The following TRIM31 variants were observed in gnomAD, a reference collection of about 807,000 sequenced individuals.
TRIM31 encodes the protein E3 ubiquitin-protein ligase TRIM31.
In TRIM31, 31 loss-of-function variants were observed where a neutral mutation model predicts 40.6. The observed-to-expected ratio is 0.76, with a 90% CI of 0.57 to 1.03. TRIM31 has a LOEUF of 1.03. TRIM31 is among the 50% of genes least tolerant of loss of function. The pLI is 0.00. For missense variants in TRIM31, 455 were observed against 497.5 expected, an observed-to-expected ratio of 0.91 and a Z score of 0.81; for synonymous variants, 164 against 193.9, an observed-to-expected ratio of 0.85 and a Z score of 1.28.
intron 3 of TRIM31, 149 bp downstream of exon 3, chr6:30,111,499 A>G (rs867825113): frequency 4.7e-5 from 34 of 725,604 alleles, no homozygotes; most frequent in Middle Eastern, 6.7e-4. Flanking sequence ...GCGGGAGGTG[A>G]TGCCGCCTGG....
chr6:30,106,182 T>A (rs912504832), intron 6 of TRIM31, among the ~76,000 whole-genome samples: 4 of 152,060 alleles, frequency 2.6e-5, no homozygotes, highest in African/African-American at 9.7e-5. Context: ...CCAGCACCCT[T>A]CCCCCAGTGT....
At position 30,111,030 on chromosome 6, in the gene TRIM31, C is replaced by CTTTTTTTTTTTTTTTTTTTTT. The variant is rs9278578; in HGVS notation, c.514-353_514-352insAAAAAAAAAAAAAAAAAAAAA. ...CACAATGTCTTCATTTTCCTTCTGTCTTTTTTTTTTTTTTTTTTTGAGACA... is the reference window on the plus strand; with the variant it reads ...CACAATGTCTTCATTTTCCTTCTGTCTTTTTTTTTTTTTTTTTTTTTTTTTTTTTTTTTTTTTTTTGAGACA... On this transcript the variant is annotated intron_variant, in intron 3 of 8. Transcript: ENST00000376734. 2.7e-4 allele frequency among the ~76,000 whole-genome samples: 31 copies of CTTTTTTTTTTTTTTTTTTTTT among 114,284 alleles called. 2 individuals carry two copies. The highest frequency in any genetic ancestry group is 2.5e-3 in the South Asian group (8 of 3,220). The allele number at this position is 114,284 out of a possible 152,430, so 75.0% of individuals were successfully genotyped here.
chr6:30,110,777 C>T, intron 3 of TRIM31, 99 bp from the exon 4 acceptor site: 2 of 1,189,042 alleles, frequency 1.7e-6, no homozygotes, highest in Non-Finnish European at 1.2e-6. Flanking sequence ...GTGTGGAATT[C>T]CCAACCAGAG....
Position 30,111,030 on chromosome 6 carries a change from C to CTTTTTTTTTTTTTTTTT in TRIM31, c.514-369_514-353dup, listed in dbSNP as rs9278578. Among the ~76,000 whole-genome samples, 57 of 114,286 alleles carry CTTTTTTTTTTTTTTTTT rather than the reference C, an allele frequency of 5.0e-4. 4 individuals are homozygous for CTTTTTTTTTTTTTTTTT. Among genetic ancestry groups the CTTTTTTTTTTTTTTTTT allele is most frequent in the South Asian group, 4.7e-3 (15 of 3,222 alleles). 75.0% of individuals were successfully genotyped at this position (114,286 alleles called of 152,430 possible). On this transcript the variant is annotated intron_variant, in intron 3 of 8. Transcript: ENST00000376734. Reference sequence around the variant, plus strand: ...CACAATGTCTTCATTTTCCTTCTGTCTTTTTTTTTTTTTTTTTTTGAGACA... The same window carrying CTTTTTTTTTTTTTTTTT: ...CACAATGTCTTCATTTTCCTTCTGTCTTTTTTTTTTTTTTTTTTTTTTTTTTTTTTTTTTTTGAGACA...
In TRIM31 at chr6:30,103,711, C is replaced by G; in HGVS notation, c.1103G>C (p.Gly368Ala). 1 of 1,613,008 alleles carries G rather than the reference C, an allele frequency of 6.2e-7. No individual in the cohort carries two copies. The highest frequency in any genetic ancestry group is 1.1e-5 in the South Asian group (1 of 91,076). ...GAGACATACTGGAAAAGTGACTTTC[C>G]CAGCAGACGAGGCCCGAAACAGGGA... ...SHSLFRASSA[G>A]KVTFPVCLLA... The change falls in exon 9 of 9, where the codon GGG becomes GCG. Residue 368 changes from glycine (G) to alanine (A), a missense_variant. Transcript: ENST00000376734.
chr6:30,103,399 G>C lies in TRIM31; in HGVS notation c.*137C>G. On this transcript the variant is annotated 3_prime_UTR_variant, in exon 9 of 9. Transcript: ENST00000376734. The stretch of plus-strand genomic sequence containing the variant: ...CCCCCATCTCCACTCTCAGTAGCCC[G>C]AGCCCTCCCATTCTCCACTCCTTCG... 2.9e-5 allele frequency: 24 copies of C among 814,884 alleles called. No individual in the cohort carries two copies. Among genetic ancestry groups the C allele is most frequent in the South Asian group, 4.7e-5 (3 of 63,256 alleles). The allele number at this position is 814,884 out of a possible 1,614,324, so 50.5% of individuals were successfully genotyped here.
At chr6:30,111,030 CTT>C (rs9278578) in intron 3 of TRIM31, among the ~76,000 whole-genome samples, 29,794 of 114,180 alleles carry the variant, frequency 0.26, 3,312 homozygotes, top group East Asian at 0.45. Context: ...TTCCTTCTGT[CTT>C]TTTTTTTTTT....
chr6:30,105,603 T>C (rs1204901113), intron 6 of TRIM31: 2 of 160,114 alleles, frequency 1.2e-5, no homozygotes, highest in African/African-American at 4.8e-5. Context: ...CAAAATGTTA[T>C]TTCAACATGT....
chr6:30,106,587 A>C (rs1275566840), intron 6 of TRIM31, among the ~76,000 whole-genome samples: 1 of 144,124 alleles, frequency 6.9e-6, no homozygotes, highest in Non-Finnish European at 1.5e-5. Context: ...AAAATAAAAT[A>C]AAAATAAGAG....
Position 30,112,546 on chromosome 6 carries a change from T to C in TRIM31, c.260A>G (p.Gln87Arg), listed in dbSNP as rs928628355. 24 of 1,613,020 alleles carry C rather than the reference T, an allele frequency of 1.5e-5. No individual in the cohort carries two copies. Among genetic ancestry groups the C allele is most frequent in the Non-Finnish European group, 1.9e-5 (23 of 1,180,058 alleles). ...GCATGTAGCCTCTTTCCTTTTGGAC[T>C]GCACCTCAGAGGCTTGTAGAGCTTG... ...KIQALQASEV[Q>R]SKRKEATCPR... The change falls in exon 2 of 9, where the codon CAG (glutamine) becomes CGG (arginine). Residue 87 changes from glutamine (Q) to arginine (R), a missense_variant. Gln to Arg is a conservative substitution (Grantham distance 43). Coordinates refer to ENST00000376734, the MANE Select transcript of TRIM31 (RefSeq NM_007028.5).
At position 30,103,708 on chromosome 6, in the gene TRIM31, T is replaced by A; in HGVS notation, c.1106A>T (p.Lys369Ile). 1 of 1,613,030 alleles carries A rather than the reference T, an allele frequency of 6.2e-7. No individual in the cohort carries two copies. The highest frequency in any genetic ancestry group is 8.5e-7 in the Non-Finnish European group (1 of 1,180,014). Residue 369 changes from lysine (K) to isoleucine (I), a missense_variant, in exon 9 of 9, where the codon AAA becomes ATA. Physicochemically the swap from Lys to Ile is moderately radical, Grantham distance 102 (BLOSUM62 -3). Coordinates refer to ENST00000376734, the MANE Select transcript of TRIM31 (RefSeq NM_007028.5). ...CAGGAGACATACTGGAAAAGTGACT[T>A]TCCCAGCAGACGAGGCCCGAAACAG... The part of the protein sequence containing the change: ...HSLFRASSAG[K>I]VTFPVCLLAS...
At position 30,110,441 on chromosome 6, in the gene TRIM31, G is replaced by T. The variant is rs113204185; in HGVS notation, c.744+7C>A. 3.2e-5 allele frequency: 52 copies of T among 1,613,632 alleles called. No individual in the cohort carries two copies. Among genetic ancestry groups the T allele is most frequent in the Middle Eastern group, 3.3e-4 (2 of 6,006 alleles). Reference sequence around the variant, plus strand: ...CCTCTCTGCAATTCTGCCCCCAAGGGACTCACCTCCAGCAGCTGCCTGGGT... The same window carrying T: ...CCTCTCTGCAATTCTGCCCCCAAGGTACTCACCTCCAGCAGCTGCCTGGGT... On this transcript the variant is annotated splice_region_variant and intron_variant, in intron 4 of 8. Transcript: ENST00000376734.
Position 30,103,602 on chromosome 6 carries a change from G to A in TRIM31, c.1212C>T (p.Leu404=). The change falls in exon 9 of 9, where the codon CTC becomes CTT. Residue 404 remains leucine (L), a synonymous_variant. Coordinates refer to ENST00000376734, the MANE Select transcript of TRIM31 (RefSeq NM_007028.5). ...TCAGCCACTCACTCAGTGCCGCATG[G>A]AGCTCCTCGGACAGCGCAACGTCAA... is the stretch of plus-strand genomic sequence containing the variant. ...KTFDVALSEE[L]HAALSEWLTA... The A allele has an allele frequency of 6.2e-7, 1 of 1,613,058 alleles. No individual in the cohort carries two copies. The highest frequency in any genetic ancestry group is 8.5e-7 in the Non-Finnish European group (1 of 1,180,044).
intron 5 of TRIM31, chr6:30,108,743 G>A (rs555103162): frequency 8.9e-6 from 5 of 563,764 alleles, no homozygotes; most frequent in Non-Finnish European, 1.6e-5. Context: ...ACAGAGTAGG[G>A]GACCCAGGAG....
intron 5 of TRIM31, 86 bp downstream of exon 5, chr6:30,108,940 G>GGAAT (rs1769018849): frequency 2.1e-6 from 3 of 1,419,770 alleles, no homozygotes; most frequent in Admixed American, 1.7e-5. Flanking sequence ...TTCTGAGAGA[G>GGAAT]GAATGTTGAC....
intron 5 of TRIM31, among the ~76,000 whole-genome samples, chr6:30,108,559 CAAAAAAAAA>C (rs28381623): frequency 9.3e-5 from 9 of 96,592 alleles, no homozygotes; most frequent in Admixed American, 3.6e-4. Flanking sequence ...AGCTCCATCT[CAAAAAAAAA>C]AAAAAAAAAA....
chr6:30,104,417 A>G (rs529083225), intron 7 of TRIM31, among the ~76,000 whole-genome samples: 2 of 152,306 alleles, frequency 1.3e-5, no homozygotes, highest in South Asian at 4.2e-4. Context: ...AAAGTCATGG[A>G]GCATAACAAA....
intron 7 of TRIM31, 77 bp from the exon 8 acceptor site, chr6:30,104,244 G>T: frequency 1.4e-6 from 2 of 1,414,968 alleles, no homozygotes; most frequent in Non-Finnish European, 2.0e-6. Flanking sequence ...CAAGCACCCT[G>T]CCATCATCAA....
chr6:30,108,869 C>A, intron 5 of TRIM31, 157 bp downstream of exon 5: 2 of 776,354 alleles, frequency 2.6e-6, no homozygotes, highest in Admixed American at 2.0e-5. Context: ...ATATGGTTGG[C>A]ATAGGCATTC....
Sources: gnomAD v4.1 joint callset for allele counts (sites outside exome capture counted in the v4.1 genomes callset) on GRCh38, gnomAD v4.1.1 for gene constraint, MANE v1.5 for transcripts, NCBI Gene and HGNC (gene_info 2026-07-23, HGNC 2026-07-21) for gene names.